NPHP4: variants seen among roughly 807,000 people sequenced by gnomAD.
NPHP4 encodes nephrocystin-4.
NPHP4 carries 151 observed loss-of-function variants against 155.8 expected under a neutral mutation model. That is an observed-to-expected ratio of 0.97 (90% CI 0.85 to 1.11). NPHP4 has a LOEUF of 1.11. NPHP4 is among the 50% of genes least tolerant of loss of function. The probability of loss-of-function intolerance (pLI) is 0.00; values close to 1 mark genes in which losing one functional copy is unlikely to be tolerated. For synonymous variants in NPHP4, 845 were observed against 816.8 expected (o/e 1.03, Z -0.59); for missense variants, 1,956 against 1,925.7 (o/e 1.02, Z -0.29).
chr1:5,863,819 T>C (rs1486182538), intron 29 of NPHP4, 71 bp downstream of exon 29: 1 of 1,532,242 alleles, frequency 6.5e-7, no homozygotes, highest in Non-Finnish European at 9.0e-7. Context: ...CGCTCCTAAA[T>C]GCAGGCTAAC....
chr1:5,880,356 G>T, intron 18 of NPHP4, 117 bp from the exon 19 acceptor site: 1 of 983,182 alleles, frequency 1.0e-6, no homozygotes, highest in Non-Finnish European at 1.5e-6. Context: ...ACCCTGACAC[G>T]CTAAGGCCCC....
intron 5 of NPHP4, among the ~76,000 whole-genome samples, chr1:5,963,407 G>A (rs1650730928): frequency 6.6e-6 from 1 of 151,682 alleles, no homozygotes; most frequent in Non-Finnish European, 1.5e-5. Context: ...AAAAAAAAAA[G>A]AAATTGGTGA....
intron 9 of NPHP4, among the ~76,000 whole-genome samples, chr1:5,940,410 G>A (rs567033893): frequency 5.9e-5 from 9 of 152,192 alleles, no homozygotes; most frequent in Non-Finnish European, 1.0e-4. Flanking sequence ...CACTATAAAT[G>A]ACCCAGTCTG....
At chr1:5,949,669 C>T (rs1647567535) in intron 7 of NPHP4, among the ~76,000 whole-genome samples, 1 of 151,948 alleles carries the variant, frequency 6.6e-6, no homozygotes, top group Non-Finnish European at 1.5e-5. Context: ...CCGTCCAGAC[C>T]TGAAGCCTGA....
chr1:5,909,262 T>C, intron 11 of NPHP4, 49 bp from the exon 12 acceptor site: 4 of 1,449,830 alleles, frequency 2.8e-6, no homozygotes, highest in Non-Finnish European at 3.8e-6. Context: ...CAGCCTGTGT[T>C]GGGGGCAGTG....
chr1:5,905,525 G>A lies in NPHP4; in HGVS notation c.1764-42C>T. 6.3e-7 allele frequency: 1 copy of A among 1,597,404 alleles called. No individual in the cohort carries two copies. The highest frequency in any genetic ancestry group is 8.6e-7 in the Non-Finnish European group (1 of 1,167,494). On this transcript the variant is annotated intron_variant, in intron 14 of 29. Coordinates refer to ENST00000378156, the MANE Select transcript of NPHP4 (RefSeq NM_015102.5). This position sits in a 1 kb window ranked among gnomAD's most constrained non-coding sequence, Gnocchi z 4.0. Reference sequence around the variant, plus strand: ...CCTCAGGTAGCCTCCCGGGAAAGGGGGGACCCATTGATGCACCTCCCTGTG... The same window carrying A: ...CCTCAGGTAGCCTCCCGGGAAAGGGAGGACCCATTGATGCACCTCCCTGTG...
intron 19 of NPHP4, chr1:5,879,228 G>C (rs536111396): frequency 3.2e-5 from 8 of 250,388 alleles, no homozygotes; most frequent in Non-Finnish European, 6.3e-5. Flanking sequence ...AAAAGCGCAC[G>C]GCAGCTGTGA....
At chr1:5,950,821 G>A (rs1047110162) in intron 7 of NPHP4, among the ~76,000 whole-genome samples, 2 of 152,072 alleles carry the variant, frequency 1.3e-5, no homozygotes, top group African/African-American at 2.4e-5. Flanking sequence ...TAAAAGTCAG[G>A]ATACACATGG....
intron 16 of NPHP4, 81 bp from the exon 17 acceptor site, chr1:5,891,109 G>T: frequency 9.7e-7 from 1 of 1,026,498 alleles, no homozygotes; most frequent in Non-Finnish European, 1.3e-6. Context: ...TTCAGCTCTG[G>T]TCATGATTAC....
At chr1:5,883,931 G>T (rs912577567) in intron 18 of NPHP4, among the ~76,000 whole-genome samples, 1 of 152,170 alleles carries the variant, frequency 6.6e-6, no homozygotes, top group African/African-American at 2.4e-5. Context: ...ACCTAATGAT[G>T]ACAATGGCTG....
chr1:5,978,473 TG>T, intron 2 of NPHP4, 60 bp from the exon 3 acceptor site: 1 of 1,534,590 alleles, frequency 6.5e-7, no homozygotes, highest in Non-Finnish European at 8.9e-7. Flanking sequence ...AGGAGGTCAC[TG>T]GCAGGCCATG....
At chr1:5,984,055 C>T (rs1479427930) in intron 2 of NPHP4, among the ~76,000 whole-genome samples, 1 of 152,120 alleles carries the variant, frequency 6.6e-6, no homozygotes, top group East Asian at 1.9e-4. Flanking sequence ...TGAGGTTATT[C>T]ACTGTAGCAG....
At chr1:5,916,543 C>G (rs1404004042) in intron 11 of NPHP4, among the ~76,000 whole-genome samples, 1 of 152,206 alleles carries the variant, frequency 6.6e-6, no homozygotes, top group Non-Finnish European at 1.5e-5. Context: ...TGTAGATTTG[C>G]TGGTCCCCAA....
At chr1:5,874,803 C>A in intron 21 of NPHP4, 71 bp downstream of exon 21, 1 of 1,557,356 alleles carries the variant, frequency 6.4e-7, no homozygotes, top group Non-Finnish European at 8.8e-7. Context: ...TTCGAGCCAG[C>A]TCAGCAGGGG....
At chr1:5,923,613 C>A (rs534232300) in intron 11 of NPHP4, among the ~76,000 whole-genome samples, 1 of 152,354 alleles carries the variant, frequency 6.6e-6, no homozygotes, top group East Asian at 1.9e-4. Context: ...GCTGTTCCCT[C>A]CAGCCACCTG....
Position 5,867,561 on chromosome 1 carries a change from T to G in NPHP4, c.3472+179A>C. On this transcript the variant is annotated intron_variant, in intron 24 of 29. Transcript: ENST00000378156. This position sits in a 1 kb window ranked among gnomAD's most constrained non-coding sequence, Gnocchi z 4.1. ...AATGCGCACCTAGTCATCTCAGAGGTGGCAAGAGGGACACCGTTTCAAACC... is the reference window on the plus strand; with the variant it reads ...AATGCGCACCTAGTCATCTCAGAGGGGGCAAGAGGGACACCGTTTCAAACC... 4.5e-6 allele frequency: 3 copies of G among 661,216 alleles called. No individual in the cohort carries two copies. The highest frequency in any genetic ancestry group is 7.6e-6 in the Non-Finnish European group (3 of 393,796). 41.0% of individuals were successfully genotyped at this position (661,216 alleles called of 1,614,324 possible).
rs545273904 is a variant in NPHP4 at position 5,863,721 on chromosome 1, C to G, written c.4140+169G>C. 88 of 703,682 alleles carry G rather than the reference C, an allele frequency of 1.3e-4. No individual in the cohort carries two copies. In the African/African-American group the frequency reaches 1.5e-3, roughly 12 times the overall value. The allele number at this position is 703,682 out of a possible 1,614,324, so 43.6% of individuals were successfully genotyped here. The stretch of plus-strand genomic sequence containing the variant: ...AGAAACTTTGCTAAATCTCCAGCTA[C>G]TAAAGATACAACGGGCCCACCCAAC... On this transcript the variant is annotated intron_variant, in intron 29 of 29. Transcript: ENST00000378156.
intron 2 of NPHP4, among the ~76,000 whole-genome samples, chr1:5,983,958 GT>G (rs1655095784): frequency 6.6e-6 from 1 of 151,944 alleles, no homozygotes; most frequent in Non-Finnish European, 1.5e-5. Context: ...ATGTAATTGG[GT>G]TTTAAATAAC....
chr1:5,991,142 G>A (rs535560218), intron 1 of NPHP4, among the ~76,000 whole-genome samples: 24 of 152,240 alleles, frequency 1.6e-4, no homozygotes, highest in Non-Finnish European at 2.9e-4. Flanking sequence ...CTGAGACCCA[G>A]ATGCCTTGGG....
Sources: gnomAD v4.1 joint callset for allele counts (sites outside exome capture counted in the v4.1 genomes callset) on GRCh38, gnomAD v4.1.1 for gene constraint, Gnocchi (gnomAD v3.1) non-coding constraint, MANE v1.5 for transcripts, NCBI Gene and HGNC (gene_info 2026-07-23, HGNC 2026-07-21) for gene names.